Variants in GTF2F1 observed in about 807,000 individuals in gnomAD.
GTF2F1 encodes general transcription factor IIF 74 kDa subunit.
In GTF2F1, 39 loss-of-function variants were observed where a neutral mutation model predicts 63.5. The observed-to-expected ratio is 0.61, with a 90% CI of 0.48 to 0.80. The LOEUF (loss-of-function observed/expected upper bound fraction) is 0.80. GTF2F1 is among the 30% of genes least tolerant of loss of function. The pLI is 0.00. For synonymous variants in GTF2F1, 287 were observed against 285.3 expected, an observed-to-expected ratio of 1.01 and a Z score of -0.06; for missense variants, 657 against 718.3, an observed-to-expected ratio of 0.91 and a Z score of 0.97.
Position 6,387,530 on chromosome 19 carries a change from G to C in GTF2F1, c.356C>G (p.Thr119Arg). The stretch of plus-strand genomic sequence containing the variant: ...GAAGATGTAGTAGGACGTGTTCTCT[G>C]TTACGCCTCCCTTCTTGATGCCCTT... ...KFKGIKKGGV[T>R]ENTSYYIFTQ... Residue 119 changes from threonine (T) to arginine (R), a missense_variant, in exon 5 of 13, where the codon ACA becomes AGA. Around this residue, in one of 2 missense-constraint regions of GTF2F1, gnomAD observed 602 missense variants for 625.6 expected, o/e 0.96. Coordinates refer to ENST00000394456, the MANE Select transcript of GTF2F1 (RefSeq NM_002096.3). 6.2e-7 allele frequency: 1 copy of C among 1,614,206 alleles called. No individual in the cohort carries two copies. The highest frequency in any genetic ancestry group is 8.5e-7 in the Non-Finnish European group (1 of 1,180,016).
chr19:6,383,226 A>G lies in GTF2F1; in HGVS notation c.682+85T>C, dbSNP rs2145074916. ...CCCACTTGCCTCTCATTCTAGGGCCACTGTGAGCGATGGTAGACTTTGCCT... is the reference window on the plus strand; with the variant it reads ...CCCACTTGCCTCTCATTCTAGGGCCGCTGTGAGCGATGGTAGACTTTGCCT... On this transcript the variant is annotated intron_variant, in intron 6 of 12. Coordinates refer to ENST00000394456, the MANE Select transcript of GTF2F1 (RefSeq NM_002096.3). The surrounding 1 kb of genome is among the most constrained non-coding windows in gnomAD (Gnocchi z 4.5). 1 of 1,405,450 alleles carries G rather than the reference A, an allele frequency of 7.1e-7. No homozygotes were observed. Among genetic ancestry groups the G allele is most frequent in the Non-Finnish European group, 9.9e-7 (1 of 1,011,268 alleles). 87.1% of individuals were successfully genotyped at this position (1,405,450 alleles called of 1,614,324 possible).
chr19:6,383,379 A>C lies in GTF2F1; in HGVS notation c.614T>G (p.Leu205Arg), dbSNP rs770718383. ...EKRGRRKASE[L>R]RIHDLEDDLE... The stretch of plus-strand genomic sequence containing the variant: ...GTCGTCCTCCAGGTCGTGGATGCGC[A>C]GCTCGCTCGCCTTCCTGCGGCCACG... Residue 205 changes from leucine (L) to arginine (R), a missense_variant, in exon 6 of 13, where the codon CTG (leucine) becomes CGG (arginine). This residue lies in a region of GTF2F1 where 602 missense variants were observed against 625.6 expected (regional missense o/e 0.96). Coordinates refer to ENST00000394456, the MANE Select transcript of GTF2F1 (RefSeq NM_002096.3). The surrounding 1 kb of genome is among the most constrained non-coding windows in gnomAD (Gnocchi z 4.5). 6.2e-7 allele frequency: 1 copy of C among 1,614,216 alleles called. No homozygotes were observed. The highest frequency in any genetic ancestry group is 1.1e-5 in the South Asian group (1 of 91,084).
At position 6,383,369 on chromosome 19, in the gene GTF2F1, G is replaced by A. The variant is rs769851260; in HGVS notation, c.624C>T (p.His208=). The A allele has an allele frequency of 3.0e-5, 49 of 1,614,118 alleles. 1 individual carries two copies. Among genetic ancestry groups the A allele is most frequent in the Middle Eastern group, 1.6e-4 (1 of 6,084 alleles). ...GRRKASELRI[H]DLEDDLEMSS... is the part of the protein sequence containing the mutation. ...ACATCTCCAGGTCGTCCTCCAGGTC[G>A]TGGATGCGCAGCTCGCTCGCCTTCC... is the stretch of plus-strand genomic sequence containing the variant. The change falls in exon 6 of 13, where the codon CAC becomes CAT. Residue 208 remains histidine (H), a synonymous_variant. Coordinates refer to ENST00000394456, the MANE Select transcript of GTF2F1 (RefSeq NM_002096.3). The surrounding 1 kb of genome is among the most constrained non-coding windows in gnomAD (Gnocchi z 4.5).
At chr19:6,386,007 C>T (rs534548317) in intron 5 of GTF2F1, among the ~76,000 whole-genome samples, 8 of 152,080 alleles carry the variant, frequency 5.3e-5, no homozygotes, top group African/African-American at 1.7e-4. Context: ...ACCCGGGAGG[C>T]GGAGCTTGCA....
intron 2 of GTF2F1, chr19:6,392,402 G>A (rs1371075508): frequency 2.1e-6 from 1 of 481,784 alleles, no homozygotes; most frequent in Non-Finnish European, 4.1e-6. Context: ...GACAGGCAGG[G>A]AGTATTTCCT....
rs114013617 is a variant in GTF2F1, at chr19:6,384,494, T to C, written c.498-999A>G. Among the ~76,000 whole-genome samples, 985 of 141,508 alleles carry C rather than the reference T, an allele frequency of 7.0e-3. 4 individuals carry two copies. Among genetic ancestry groups the C allele is most frequent in the African/African-American group, 0.027 (925 of 34,540 alleles). The allele number at this position is 141,508 out of a possible 152,430, so 92.8% of individuals were successfully genotyped here. ...CAGCACTCCAGCCTCGGTGACAGAGTAAGAATCTGTCTCCAAAAAAAAAAA... is the reference window on the plus strand; with the variant it reads ...CAGCACTCCAGCCTCGGTGACAGAGCAAGAATCTGTCTCCAAAAAAAAAAA... On this transcript the variant is annotated intron_variant, in intron 5 of 12. Transcript: ENST00000394456.
At chr19:6,386,144 G>A (rs2091973077) in intron 5 of GTF2F1, among the ~76,000 whole-genome samples, 1 of 151,952 alleles carries the variant, frequency 6.6e-6, no homozygotes, top group Non-Finnish European at 1.5e-5. Context: ...CCCACACTTA[G>A]GGAGGCTGAG....
rs2091963085 is a variant in GTF2F1 at position 6,383,564 on chromosome 19, G to A, written c.498-69C>T. 6.6e-6 allele frequency: 10 copies of A among 1,517,816 alleles called. No homozygotes were observed. In the East Asian group the frequency reaches 6.8e-5, roughly 10 times the overall value. 94.0% of individuals were successfully genotyped at this position (1,517,816 alleles called of 1,614,324 possible). A position where few individuals can be genotyped will look rare whatever the true frequency, so the allele number is the denominator to read the frequency against. On this transcript the variant is annotated intron_variant, in intron 5 of 12. Coordinates refer to ENST00000394456, the MANE Select transcript of GTF2F1 (RefSeq NM_002096.3). This position sits in a 1 kb window ranked among gnomAD's most constrained non-coding sequence, Gnocchi z 4.5. ...CCCTGCATCTGTGCTTGCAGGGGGC[G>A]AGCCCCAGGGCACCACCCACATAGC...
At chr19:6,390,589 T>C (rs2091993006) in intron 3 of GTF2F1, among the ~76,000 whole-genome samples, 3 of 129,994 alleles carry the variant, frequency 2.3e-5, no homozygotes, top group African/African-American at 5.7e-5. Context: ...CTGGGCAACA[T>C]AGTGAGATCC....
Position 6,380,482 on chromosome 19 carries a change from G to A in GTF2F1, c.1353C>T (p.Asp451=), listed in dbSNP as rs781628968. ...GCACGGCATCCTCAGTCACCTGCAC[G>A]TCGCTGAGGATGGGAGGACGGGGAA... ...PSGKTTPNSG[D]VQVTEDAVRR... is the part of the protein sequence containing the mutation. The change falls in exon 13 of 13, where the codon GAC becomes GAT. Residue 451 remains aspartate, a synonymous_variant. Coordinates refer to ENST00000394456, the MANE Select transcript of GTF2F1 (RefSeq NM_002096.3). The surrounding 1 kb of genome is among the most constrained non-coding windows in gnomAD (Gnocchi z 5.3). 1.2e-5 allele frequency: 19 copies of A among 1,613,858 alleles called. No individual in the cohort carries two copies. The East Asian group carries it at 1.6e-4, about 13-fold the overall frequency.
chr19:6,389,214 C>T (rs552473289), intron 4 of GTF2F1, among the ~76,000 whole-genome samples: 3 of 151,628 alleles, frequency 2.0e-5, no homozygotes, highest in Middle Eastern at 6.8e-3. Flanking sequence ...CCAGCCTGGG[C>T]GACAGAGCAA....
At chr19:6,389,028 T>C (rs2091985125) in intron 4 of GTF2F1, among the ~76,000 whole-genome samples, 1 of 151,984 alleles carries the variant, frequency 6.6e-6, no homozygotes, top group Non-Finnish European at 1.5e-5. Context: ...GATCGCCAAG[T>C]TCGAGACCAG....
rs769902296 is a variant in GTF2F1 at position 6,383,299 on chromosome 19, G to A, written c.682+12C>T. On this transcript the variant is annotated intron_variant, in intron 6 of 12. Coordinates refer to ENST00000394456, the MANE Select transcript of GTF2F1 (RefSeq NM_002096.3). The surrounding 1 kb of genome is among the most constrained non-coding windows in gnomAD (Gnocchi z 4.5). The stretch of plus-strand genomic sequence containing the variant: ...CACCTCTGTGACCTAATGCCCAGGC[G>A]CCCGTACTCACCCTCCTCACCACTG... The A allele has an allele frequency of 1.2e-5, 19 of 1,612,682 alleles. No homozygotes were observed. Among genetic ancestry groups the A allele is most frequent in the African/African-American group, 8.0e-5 (6 of 74,928 alleles).
At chr19:6,390,004 T>C (rs1033648817) in intron 3 of GTF2F1, among the ~76,000 whole-genome samples, 1 of 152,152 alleles carries the variant, frequency 6.6e-6, no homozygotes, top group African/African-American at 2.4e-5. Flanking sequence ...CAGGATTCTT[T>C]TCAAAAAATG....
intron 2 of GTF2F1, among the ~76,000 whole-genome samples, chr19:6,392,636 G>A (rs2092005163): frequency 6.6e-6 from 1 of 152,152 alleles, no homozygotes; most frequent in African/African-American, 2.4e-5. Flanking sequence ...TTAGGCCAGG[G>A]GGCTGGATCA....
rs1212487656 is a variant in GTF2F1, at chr19:6,383,692, T to C, written c.498-197A>G. 6.6e-6 allele frequency among the ~76,000 whole-genome samples: 1 copy of C among 152,058 alleles called. No individual in the cohort carries two copies. The highest frequency in any genetic ancestry group is 1.5e-5 in the Non-Finnish European group (1 of 68,006). ...TCCTGCCTTCCCGTTCTGCCCCGAGTCCCTCAAAGAGCAGGTCCCCATGTG... is the reference window on the plus strand; with the variant it reads ...TCCTGCCTTCCCGTTCTGCCCCGAGCCCCTCAAAGAGCAGGTCCCCATGTG... On this transcript the variant is annotated intron_variant, in intron 5 of 12. Coordinates refer to ENST00000394456, the MANE Select transcript of GTF2F1 (RefSeq NM_002096.3). The surrounding 1 kb of genome is among the most constrained non-coding windows in gnomAD (Gnocchi z 4.5).
Position 6,392,050 on chromosome 19 carries a change from A to G in GTF2F1, c.60-76T>C. 5.2e-6 allele frequency: 4 copies of G among 774,444 alleles called. No individual in the cohort carries two copies. The Admixed American group carries it at 8.4e-5, about 16-fold the overall frequency. The allele number at this position is 774,444 out of a possible 1,614,324, so 48.0% of individuals were successfully genotyped here. A position where few individuals can be genotyped will look rare whatever the true frequency, so the allele number is the denominator to read the frequency against. ...TTAATTTAATCAGTCAATGCTATTG[A>G]ACCATTAATTCAATCAACCACCCAA... On this transcript the variant is annotated intron_variant, in intron 2 of 12. Coordinates refer to ENST00000394456, the MANE Select transcript of GTF2F1 (RefSeq NM_002096.3).
Position 6,392,969 on chromosome 19 carries a change from C to A in GTF2F1, c.12+15G>T, listed in dbSNP as rs774299142. ...CGCCGTCGGAACCCCCGAACCCCGC[C>A]AAATCCACACTCACTAGGGCCGCCA... On this transcript the variant is annotated intron_variant, in intron 1 of 12. Transcript: ENST00000394456. 3 of 1,614,024 alleles carry A rather than the reference C, an allele frequency of 1.9e-6. No individual in the cohort carries two copies. Among genetic ancestry groups the A allele is most frequent in the Non-Finnish European group, 2.5e-6 (3 of 1,180,038 alleles).
In GTF2F1 at chr19:6,387,535, G is replaced by C; in HGVS notation, c.351C>G (p.Gly117=). 1 of 1,614,110 alleles carries C rather than the reference G, an allele frequency of 6.2e-7. No individual in the cohort carries two copies. Among genetic ancestry groups the C allele is most frequent in the Non-Finnish European group, 8.5e-7 (1 of 1,179,958 alleles). The change falls in exon 5 of 13, where the codon GGC becomes GGG. Residue 117 remains glycine (G), a synonymous_variant. Transcript: ENST00000394456. ...TGTAGTAGGACGTGTTCTCTGTTAC[G>C]CCTCCCTTCTTGATGCCCTTGAACC... The part of the protein sequence containing the change: ...GRKFKGIKKG[G]VTENTSYYIF...
Sources: gnomAD v4.1 joint callset for allele counts (sites outside exome capture counted in the v4.1 genomes callset) on GRCh38, gnomAD v4.1.1 for gene constraint, gnomAD v4.1.1 regional missense constraint, Gnocchi (gnomAD v3.1) non-coding constraint, MANE v1.5 for transcripts, NCBI Gene and HGNC (gene_info 2026-07-23, HGNC 2026-07-21) for gene names.